The following GPC5 variants were observed in gnomAD, a reference collection of about 807,000 sequenced individuals.
GPC5 encodes the protein glypican-5.
In GPC5, 47 loss-of-function variants were observed where a neutral mutation model predicts 53.9. That is an observed-to-expected ratio of 0.87 (90% CI 0.69 to 1.11). The LOEUF (loss-of-function observed/expected upper bound fraction) is 1.11. Among genes scored for constraint, GPC5 ranks in the 50% most tolerant of loss-of-function variants. The pLI is 0.00. For synonymous variants in GPC5, 286 were observed against 263.3 expected (o/e 1.09, Z -0.84); for missense variants, 748 against 713.1 (o/e 1.05, Z -0.56).
At chr13:91,915,546 C>T (rs2039650038) in intron 6 of GPC5, among the ~76,000 whole-genome samples, 1 of 152,044 alleles carries the variant, frequency 6.6e-6, no homozygotes, top group African/African-American at 2.4e-5. Context: ...GCTGATTTTA[C>T]ATGTTATCAT....
chr13:92,590,387 A>C (rs1479923201), intron 7 of GPC5, among the ~76,000 whole-genome samples: 1 of 152,164 alleles, frequency 6.6e-6, no homozygotes, highest in Non-Finnish European at 1.5e-5. Flanking sequence ...TTCCACGCCC[A>C]AAACCCGTTC....
chr13:92,307,677 T>A (rs1296723685), intron 7 of GPC5, among the ~76,000 whole-genome samples: 2 of 152,204 alleles, frequency 1.3e-5, no homozygotes, highest in Non-Finnish European at 2.9e-5. Context: ...TGAAAGCTAC[T>A]TCTCTCTCAT....
At chr13:92,367,170 C>T (rs779145080) in intron 7 of GPC5, among the ~76,000 whole-genome samples, 5 of 152,102 alleles carry the variant, frequency 3.3e-5, no homozygotes, top group Admixed American at 6.6e-5. Context: ...AAAAAATCCT[C>T]GGGCAGATAG....
At chr13:92,637,792 G>T (rs1566335127) in intron 7 of GPC5, among the ~76,000 whole-genome samples, 1 of 151,954 alleles carries the variant, frequency 6.6e-6, no homozygotes, top group African/African-American at 2.4e-5. Context: ...AAAATCAAGA[G>T]AAACAGACTC....
At chr13:91,584,117 G>T (rs2032472102) in intron 2 of GPC5, among the ~76,000 whole-genome samples, 1 of 152,162 alleles carries the variant, frequency 6.6e-6, no homozygotes, top group African/African-American at 2.4e-5. Flanking sequence ...GGGAGAAGAT[G>T]GCCATCTGCA....
chr13:92,808,737 G>A (rs1044068910), intron 7 of GPC5, among the ~76,000 whole-genome samples: 1 of 151,736 alleles, frequency 6.6e-6, no homozygotes, highest in Admixed American at 6.6e-5. Context: ...TTTAATTTGG[G>A]GCATTTTCCA....
chr13:92,348,029 ATC>A (rs2043441905), intron 7 of GPC5, among the ~76,000 whole-genome samples: 1 of 127,970 alleles, frequency 7.8e-6, no homozygotes, highest in Non-Finnish European at 1.6e-5. Context: ...AAAAAAAAAA[ATC>A]AATACATAAA....
chr13:92,464,107 G>A (rs1337544230), intron 7 of GPC5, among the ~76,000 whole-genome samples: 2 of 152,112 alleles, frequency 1.3e-5, no homozygotes, highest in Non-Finnish European at 2.9e-5. Context: ...GACTTAAGAA[G>A]GTTAAATAAC....
chr13:92,421,771 G>C (rs1876580021), intron 7 of GPC5, among the ~76,000 whole-genome samples: 2 of 151,588 alleles, frequency 1.3e-5, no homozygotes, highest in Admixed American at 6.6e-5. Flanking sequence ...AAGCCTCAGG[G>C]AGCTTTTACT....
At chr13:92,157,901 T>C (rs551510952) in intron 7 of GPC5, among the ~76,000 whole-genome samples, 1 of 152,282 alleles carries the variant, frequency 6.6e-6, no homozygotes, top group African/African-American at 2.4e-5. Context: ...CCCAGCTATA[T>C]ACTCATAAAT....
intron 7 of GPC5, among the ~76,000 whole-genome samples, chr13:92,558,041 C>T (rs1044592096): frequency 2.0e-5 from 3 of 151,626 alleles, no homozygotes; most frequent in African/African-American, 4.8e-5. Flanking sequence ...AGATGGGATC[C>T]GAGGTACTAA....
At position 91,784,726 on chromosome 13, in the gene GPC5, G is replaced by GAAAA. The variant is rs10644468; in HGVS notation, c.1280+28315_1280+28318dup. ...GCAACAAGAGCGAAACTCCATCTCA[G>GAAAA]AAAAAAAAAAAATGACCTATTTGAT... On this transcript the variant is annotated intron_variant, in intron 5 of 7. Coordinates refer to ENST00000377067, the MANE Select transcript of GPC5 (RefSeq NM_004466.6). Among the ~76,000 whole-genome samples the GAAAA allele has an allele frequency of 5.3e-3, 762 of 143,560 alleles. 9 individuals carry two copies. The highest frequency in any genetic ancestry group is 9.4e-3 in the African/African-American group (353 of 37,388). 94.2% of individuals were successfully genotyped at this position (143,560 alleles called of 152,430 possible).
intron 3 of GPC5, among the ~76,000 whole-genome samples, chr13:91,720,698 A>T (rs1419380234): frequency 6.6e-6 from 1 of 152,184 alleles, no homozygotes; most frequent in Non-Finnish European, 1.5e-5. Flanking sequence ...TTGTCATAGG[A>T]AGCCAAATAT....
intron 6 of GPC5, among the ~76,000 whole-genome samples, chr13:91,923,075 C>G (rs996491268): frequency 6.6e-6 from 1 of 152,140 alleles, no homozygotes; most frequent in Non-Finnish European, 1.5e-5. Context: ...CTGGGAATCT[C>G]TCGCAACTTA....
intron 2 of GPC5, among the ~76,000 whole-genome samples, chr13:91,554,422 C>A (rs1202534191): frequency 1.3e-5 from 2 of 151,870 alleles, no homozygotes; most frequent in Non-Finnish European, 2.9e-5. Context: ...GCACCACAGA[C>A]ACACACACCA....
At chr13:92,857,170 T>A (rs1014291259) in intron 7 of GPC5, among the ~76,000 whole-genome samples, 1 of 151,878 alleles carries the variant, frequency 6.6e-6, no homozygotes, top group Admixed American at 6.6e-5. Context: ...GCAGCACACA[T>A]AGAAAGAACT....
chr13:91,570,817 C>T (rs2031748156), intron 2 of GPC5, among the ~76,000 whole-genome samples: 1 of 152,098 alleles, frequency 6.6e-6, no homozygotes, highest in African/African-American at 2.4e-5. Context: ...GTTTGATTGG[C>T]CCATTGATGG....
intron 6 of GPC5, among the ~76,000 whole-genome samples, chr13:91,959,057 AACACACACACACAC>A (rs147785443): frequency 0.016 from 2,106 of 127,714 alleles, 26 homozygotes; most frequent in South Asian, 0.037. Context: ...GAATGGAGAC[AACACACACACACAC>A]ACACACACAC....
chr13:92,367,850 A>C (rs2043618159), intron 7 of GPC5, among the ~76,000 whole-genome samples: 1 of 152,176 alleles, frequency 6.6e-6, no homozygotes, highest in Non-Finnish European at 1.5e-5. Context: ...TTTCCTCAGT[A>C]CTGGAAATGA....
Sources: allele counts gnomAD v4.1 joint callset (sites outside exome capture counted in the v4.1 genomes callset), GRCh38; gene constraint gnomAD v4.1.1; transcripts MANE v1.5; gene names NCBI Gene and HGNC (gene_info 2026-07-23, HGNC 2026-07-21).